The following TRMT11 variants were observed in gnomAD, a reference collection of about 807,000 sequenced individuals.
TRMT11 encodes tRNA methyltransferase 11, also known as tRNA (guanine(10)-N(2))-methyltransferase TRMT11.
TRMT11 carries 53 observed loss-of-function variants against 62.8 expected under a neutral mutation model. The observed-to-expected ratio is 0.84, with a 90% confidence interval of 0.68 to 1.06. The LOEUF (loss-of-function observed/expected upper bound fraction) is 1.06. Ranked by LOEUF, TRMT11 falls within the 50% of genes least tolerant of loss-of-function variation. The probability of loss-of-function intolerance (pLI) is 0.00; values close to 1 mark genes in which losing one functional copy is unlikely to be tolerated. For synonymous variants in TRMT11, 188 were observed against 190.3 expected, an observed-to-expected ratio of 0.99 and a Z score of 0.10; for missense variants, 556 against 553.4, an observed-to-expected ratio of 1.00 and a Z score of -0.05.
intron 1 of TRMT11, among the ~76,000 whole-genome samples, chr6:126,178,852 G>C (rs188808514): frequency 1.4e-3 from 211 of 152,150 alleles, no homozygotes; most frequent in African/African-American, 4.9e-3. Context: ...TAATTTAATA[G>C]TCTAGGTTTT....
chr6:126,063,169 CTTGT>C (rs768994659), intron 17 of TRMT11, among the ~76,000 whole-genome samples: 16 of 151,916 alleles, frequency 1.1e-4, no homozygotes, highest in South Asian at 4.2e-4. Context: ...ATTTTATTGA[CTTGT>C]TTATTTCATT....
chr6:126,230,849 A>C, the TRMT11 span, among the ~76,000 whole-genome samples: 1 of 152,186 alleles, frequency 6.6e-6, no homozygotes. Context: ...TATATTGTAT[A>C]TGTCTACGTT....
chr6:126,180,409 A>C (rs1273608606), intron 1 of TRMT11, among the ~76,000 whole-genome samples: 3 of 152,192 alleles, frequency 2.0e-5, no homozygotes, highest in Non-Finnish European at 2.9e-5. Flanking sequence ...ACAGTCTATC[A>C]TGTTCTCAGA....
chr6:125,996,237 C>A (rs189002355), intron 3 of TRMT11, among the ~76,000 whole-genome samples, 197 bp downstream of exon 3: 16 of 152,200 alleles, frequency 1.1e-4, no homozygotes, highest in African/African-American at 3.6e-4. Flanking sequence ...GGGGAAATGT[C>A]GACACATTTG....
chr6:126,117,647 C>T (rs1777605738), intron 21 of TRMT11, among the ~76,000 whole-genome samples: 1 of 152,048 alleles, frequency 6.6e-6, no homozygotes, highest in East Asian at 1.9e-4. Flanking sequence ...TTTAGTAAGA[C>T]CACAGATCCA....
intron 21 of TRMT11, among the ~76,000 whole-genome samples, chr6:126,151,826 C>T (rs867241972): frequency 4.6e-4 from 35 of 76,114 alleles, no homozygotes; most frequent in Non-Finnish European, 5.5e-4. Flanking sequence ...TTCTTTCTTT[C>T]TTTCTTTCTT....
chr6:126,094,426 T>A (rs1436035464), intron 17 of TRMT11, among the ~76,000 whole-genome samples: 1 of 152,226 alleles, frequency 6.6e-6, no homozygotes, highest in Admixed American at 6.5e-5. Flanking sequence ...TTTGTGTCAG[T>A]GTTGACACAG....
chr6:126,245,118 G>T, the TRMT11 span, among the ~76,000 whole-genome samples: 1 of 152,182 alleles, frequency 6.6e-6, no homozygotes, highest in African/African-American at 2.4e-5. Flanking sequence ...ATTTAAGAAA[G>T]GCTTTATGTT....
At chr6:126,173,307 A>C (rs1331717535), upstream of TRMT11, among the ~76,000 whole-genome samples, 5 of 152,186 alleles carry the variant, frequency 3.3e-5, no homozygotes, top group African/African-American at 9.7e-5. Flanking sequence ...CAGTGCAAAA[A>C]AGTATTGAGT....
the TRMT11 span, among the ~76,000 whole-genome samples, chr6:126,272,156 A>C: frequency 2.6e-5 from 4 of 152,196 alleles, no homozygotes; most frequent in African/African-American, 9.6e-5. Context: ...ACTTAAAAGC[A>C]CATGTAAATA....
At chr6:126,060,439 G>C (rs758559445) in intron 17 of TRMT11, among the ~76,000 whole-genome samples, 56 of 152,284 alleles carry the variant, frequency 3.7e-4, no homozygotes, top group Middle Eastern at 3.4e-3. Flanking sequence ...AGGCCAGAGG[G>C]GCCTTGCAGT....
At chr6:126,205,447 T>G (rs958403651), downstream of TRMT11, among the ~76,000 whole-genome samples, 74 of 152,178 alleles carry the variant, frequency 4.9e-4, no homozygotes, top group African/African-American at 1.7e-3. Flanking sequence ...GAGGTTGCAG[T>G]GAGCTGAGCT....
intron 21 of TRMT11, among the ~76,000 whole-genome samples, chr6:126,151,297 A>C (rs965519583): frequency 3.9e-5 from 6 of 152,186 alleles, no homozygotes; most frequent in African/African-American, 1.4e-4. Context: ...GCTCTCAGTT[A>C]TGTTACTTGC....
the TRMT11 span, among the ~76,000 whole-genome samples, chr6:126,209,739 AC>A: frequency 2.0e-5 from 3 of 152,200 alleles, no homozygotes; most frequent in East Asian, 5.8e-4. Context: ...AAAAAAAGAA[AC>A]AAAAACAAAA....
chr6:126,177,178 A>G (rs1297891534), upstream of TRMT11: 1 of 152,136 alleles, frequency 6.6e-6, no homozygotes, highest in Non-Finnish European at 1.5e-5. Flanking sequence ...TGGCTCTCTG[A>G]TTTCTTCTTT....
chr6:126,228,280 A>T, the TRMT11 span, among the ~76,000 whole-genome samples: 1 of 152,228 alleles, frequency 6.6e-6, no homozygotes, highest in Non-Finnish European at 1.5e-5. Context: ...GGAGATGCTC[A>T]TTAGTGGCCA....
At chr6:126,123,950 A>G (rs185142300) in intron 21 of TRMT11, among the ~76,000 whole-genome samples, 11 of 152,124 alleles carry the variant, frequency 7.2e-5, no homozygotes, top group Non-Finnish European at 4.4e-5. Flanking sequence ...GGTTTTTAAA[A>G]TAATATTTTT....
the TRMT11 span, among the ~76,000 whole-genome samples, chr6:126,251,340 A>T: frequency 6.6e-6 from 1 of 151,980 alleles, no homozygotes; most frequent in Non-Finnish European, 1.5e-5. Context: ...CAATTTTTCA[A>T]TTTTTAAAAA....
At chr6:126,222,378 G>C in the TRMT11 span, among the ~76,000 whole-genome samples, 935 of 152,074 alleles carry the variant, frequency 6.1e-3, 10 homozygotes, top group African/African-American at 0.02. Context: ...GATAAAAATA[G>C]CATTGAATCT....
Sources: gnomAD v4.1 joint callset for allele counts (sites outside exome capture counted in the v4.1 genomes callset) on GRCh38, gnomAD v4.1.1 for gene constraint, MANE v1.5 for transcripts, NCBI Gene and HGNC (gene_info 2026-07-23, HGNC 2026-07-21) for gene names.